Variants in DOCK2 observed in about 807,000 individuals in gnomAD.
DOCK2 encodes dedicator of cytokinesis protein 2.
Under a neutral mutation model 248.9 loss-of-function variants are expected in DOCK2, and 87 were observed. That is an observed-to-expected ratio of 0.35 (90% CI 0.29 to 0.42). The LOEUF is 0.42. Among genes scored for constraint, DOCK2 ranks in the 10% least tolerant of loss-of-function variants. DOCK2 has a pLI of 1.00. For missense variants in DOCK2, 1,747 were observed against 2,300.2 expected, an observed-to-expected ratio of 0.76 and a Z score of 4.92; for synonymous variants, 805 against 821.6, an observed-to-expected ratio of 0.98 and a Z score of 0.35.
intron 10 of DOCK2, among the ~76,000 whole-genome samples, chr5:169,697,997 C>G (rs1376211344): frequency 6.6e-6 from 1 of 152,118 alleles, no homozygotes; most frequent in Non-Finnish European, 1.5e-5. Context: ...CTACAGAGAC[C>G]CAATCACTGC....
intron 27 of DOCK2, among the ~76,000 whole-genome samples, chr5:169,945,662 G>A (rs1020752913): frequency 2.0e-5 from 3 of 152,160 alleles, no homozygotes; most frequent in Non-Finnish European, 2.9e-5. Context: ...CTCTTCACAC[G>A]GGTACTAGGA....
At chr5:169,895,515 G>T (rs892434561) in intron 27 of DOCK2, among the ~76,000 whole-genome samples, 2 of 152,062 alleles carry the variant, frequency 1.3e-5, no homozygotes, top group African/African-American at 4.8e-5. Flanking sequence ...GCAGCCAGCA[G>T]CCAGCATTCA....
At chr5:170,027,802 G>T in intron 33 of DOCK2, 61 bp from the exon 34 acceptor site, 1 of 1,476,670 alleles carries the variant, frequency 6.8e-7, no homozygotes, top group African/African-American at 1.4e-5. Flanking sequence ...ATAATGAATT[G>T]ACTAATTTCA....
chr5:169,777,656 C>T (rs1369649916), intron 25 of DOCK2, among the ~76,000 whole-genome samples: 1 of 152,154 alleles, frequency 6.6e-6, no homozygotes, highest in African/African-American at 2.4e-5. Flanking sequence ...GATACTTCAC[C>T]TCTGTAAGCA....
At chr5:169,966,198 A>T (rs1777292642) in intron 27 of DOCK2, among the ~76,000 whole-genome samples, 1 of 152,138 alleles carries the variant, frequency 6.6e-6, no homozygotes, top group Non-Finnish European at 1.5e-5. Context: ...TGCAGTAAGG[A>T]TTTATTGTTT....
intron 29 of DOCK2, 27 bp downstream of exon 29, chr5:169,985,949 C>T: frequency 6.3e-7 from 1 of 1,584,328 alleles, no homozygotes; most frequent in Non-Finnish European, 8.6e-7. Flanking sequence ...TTCCGCAAAG[C>T]TACCTTACCC....
chr5:170,053,877 T>C (rs1287704829), intron 41 of DOCK2, among the ~76,000 whole-genome samples: 1 of 152,194 alleles, frequency 6.6e-6, no homozygotes, highest in Non-Finnish European at 1.5e-5. Flanking sequence ...AACCATAGTC[T>C]CTGCCATGAA....
chr5:169,762,653 G>A (rs1312808965), intron 25 of DOCK2, among the ~76,000 whole-genome samples: 2 of 152,188 alleles, frequency 1.3e-5, no homozygotes, highest in Non-Finnish European at 1.5e-5. Context: ...TTCAGAAACT[G>A]CATTCCTTCA....
chr5:169,648,593 G>A lies in DOCK2; in HGVS notation c.44-5810G>A, dbSNP rs144458014. On this transcript the variant is annotated intron_variant, in intron 1 of 51. Transcript: ENST00000520908. ...GTGCATGGCTGAGAGAGTGTGCTCC[G>A]GAGCCAGCCTGTCTGGGGTGAAATC... Among the ~76,000 whole-genome samples the A allele has an allele frequency of 5.4e-3, 828 of 152,252 alleles. 8 individuals are homozygous for A. The highest frequency in any genetic ancestry group is 0.021 in the South Asian group (102 of 4,822).
chr5:170,057,885 CTT>C (rs1407033198), intron 44 of DOCK2, among the ~76,000 whole-genome samples: 2 of 151,394 alleles, frequency 1.3e-5, no homozygotes, highest in Non-Finnish European at 2.9e-5. Flanking sequence ...GCAAATGAAA[CTT>C]TCCATGGCCT....
intron 13 of DOCK2, 54 bp from the exon 14 acceptor site, chr5:169,702,249 G>A (rs764042530): frequency 2.2e-5 from 35 of 1,595,380 alleles, no homozygotes; most frequent in African/African-American, 1.2e-4. Flanking sequence ...GTTAGTCAGC[G>A]TCTCTCCTGC....
chr5:169,992,997 A>G lies in DOCK2; in HGVS notation c.2994-3089A>G, dbSNP rs1483013759. Among the ~76,000 whole-genome samples the G allele has an allele frequency of 2.6e-5, 4 of 152,204 alleles. No individual in the cohort carries two copies. The East Asian group carries it at 7.7e-4, about 29-fold the overall frequency. Reference sequence around the variant, plus strand: ...GCCTTTGAGGCTGGAGACAAGTTTAAGCTGACAACCAAAATAATGACTGTT... The same window carrying G: ...GCCTTTGAGGCTGGAGACAAGTTTAGGCTGACAACCAAAATAATGACTGTT... On this transcript the variant is annotated intron_variant, in intron 29 of 51. Transcript: ENST00000520908.
chr5:170,031,214 T>C (rs1040763143), intron 34 of DOCK2, among the ~76,000 whole-genome samples: 3 of 152,234 alleles, frequency 2.0e-5, no homozygotes, highest in African/African-American at 4.8e-5. Flanking sequence ...GATAGATGTA[T>C]GTTCTTGGGC....
At chr5:169,820,621 G>A (rs148006224) in intron 26 of DOCK2, among the ~76,000 whole-genome samples, 4,222 of 152,276 alleles carry the variant, frequency 0.028, 73 homozygotes, top group Non-Finnish European at 0.038. Flanking sequence ...CCATCTGTAC[G>A]TCACCATCAT....
chr5:169,830,561 A>G (rs1769158150), intron 26 of DOCK2, among the ~76,000 whole-genome samples: 1 of 152,222 alleles, frequency 6.6e-6, no homozygotes, highest in Non-Finnish European at 1.5e-5. Context: ...GCACATCTTC[A>G]TAAGTGTCTC....
At chr5:170,069,097 CA>C (rs763525721) in intron 45 of DOCK2, 39 bp from the exon 46 acceptor site, 1 of 1,585,090 alleles carries the variant, frequency 6.3e-7, no homozygotes, top group Non-Finnish European at 8.6e-7. Flanking sequence ...TGAAATGCCA[CA>C]TGAACAGGAA....
At chr5:169,946,842 C>G (rs773972123) in intron 27 of DOCK2, among the ~76,000 whole-genome samples, 2 of 152,168 alleles carry the variant, frequency 1.3e-5, no homozygotes, top group Non-Finnish European at 2.9e-5. Flanking sequence ...ATGGAAAGGG[C>G]CTTTAGGCTG....
At chr5:170,033,070 T>G (rs1217640819) in intron 34 of DOCK2, among the ~76,000 whole-genome samples, 2 of 152,054 alleles carry the variant, frequency 1.3e-5, no homozygotes, top group Non-Finnish European at 2.9e-5. Context: ...TTTTCTCACC[T>G]GCAAAATGGG....
chr5:169,928,354 T>C (rs1037357819), intron 27 of DOCK2, among the ~76,000 whole-genome samples: 1 of 152,236 alleles, frequency 6.6e-6, no homozygotes, highest in African/African-American at 2.4e-5. Context: ...AGGGATGCCC[T>C]ATCTCCACCT....
Sources: allele counts gnomAD v4.1 joint callset (sites outside exome capture counted in the v4.1 genomes callset), GRCh38; gene constraint gnomAD v4.1.1; transcripts MANE v1.5; gene names NCBI Gene and HGNC (gene_info 2026-07-23, HGNC 2026-07-21).